RCSD1: variants seen among roughly 807,000 people sequenced by gnomAD.
RCSD1 encodes the protein capZ-interacting protein.
A neutral mutation model predicts 42.5 loss-of-function variants in RCSD1; 26 were observed. That is an observed-to-expected ratio of 0.61 (90% CI 0.45 to 0.85). RCSD1 has a LOEUF of 0.85. Ranked by LOEUF, RCSD1 falls within the 40% of genes least tolerant of loss-of-function variation. The pLI, the probability that RCSD1 is intolerant of heterozygous loss-of-function variation, is 0.00. For missense variants in RCSD1, 571 were observed against 528.3 expected (o/e 1.08, Z -0.79); for synonymous variants, 220 against 212.2 (o/e 1.04, Z -0.32).
At chr1:167,642,645 T>C (rs79133924) in intron 1 of RCSD1, among the ~76,000 whole-genome samples, 101 of 152,360 alleles carry the variant, frequency 6.6e-4, no homozygotes, top group African/African-American at 2.4e-3. Context: ...TTGCAACTTA[T>C]AGCCTAGGTG....
intron 1 of RCSD1, 46 bp from the exon 2 acceptor site, chr1:167,683,854 T>C (rs1659147297): frequency 6.4e-7 from 1 of 1,571,050 alleles, no homozygotes; most frequent in South Asian, 1.1e-5. Context: ...GCATGGCATC[T>C]GGTACCCATT....
intron 4 of RCSD1, among the ~76,000 whole-genome samples, chr1:167,690,521 A>G (rs1297425276): frequency 6.6e-6 from 1 of 152,112 alleles, no homozygotes; most frequent in African/African-American, 2.4e-5. Flanking sequence ...AAAAAATTTT[A>G]AAATTAGCCA....
intron 1 of RCSD1, among the ~76,000 whole-genome samples, chr1:167,669,902 T>C (rs1229361): frequency 6.6e-6 from 1 of 151,778 alleles, no homozygotes; most frequent in African/African-American, 2.4e-5. Flanking sequence ...GGGGGCTGGG[T>C]CCTTAGGAAA....
chr1:167,674,111 C>T (rs1658880482), intron 1 of RCSD1, among the ~76,000 whole-genome samples: 1 of 152,224 alleles, frequency 6.6e-6, no homozygotes, highest in Admixed American at 6.5e-5. Flanking sequence ...TGACAAGTGT[C>T]AGGCCCATAA....
At chr1:167,685,589 G>A in intron 3 of RCSD1, 79 bp downstream of exon 3, 3 of 1,132,146 alleles carry the variant, frequency 2.6e-6, no homozygotes, top group Middle Eastern at 2.0e-4. Context: ...GGAGGAGGGG[G>A]CACCAAACTC....
intron 1 of RCSD1, among the ~76,000 whole-genome samples, chr1:167,654,258 T>C (rs1355645693): frequency 6.6e-6 from 1 of 152,104 alleles, no homozygotes; most frequent in Non-Finnish European, 1.5e-5. Context: ...AGTGTGCCAT[T>C]GGAGGGTGAT....
intron 3 of RCSD1, among the ~76,000 whole-genome samples, chr1:167,689,201 A>T (rs536379635): frequency 1.3e-5 from 2 of 152,190 alleles, no homozygotes; most frequent in African/African-American, 4.8e-5. Context: ...TAAAAAGAAT[A>T]TTCAGGCTGG....
At chr1:167,674,884 T>C (rs982280872) in intron 1 of RCSD1, among the ~76,000 whole-genome samples, 1 of 152,176 alleles carries the variant, frequency 6.6e-6, no homozygotes. Context: ...TGAATGGACA[T>C]TGTATTAGTC....
intron 6 of RCSD1, among the ~76,000 whole-genome samples, chr1:167,702,674 G>C (rs950429772): frequency 6.6e-6 from 1 of 152,180 alleles, no homozygotes; most frequent in African/African-American, 2.4e-5. Context: ...AGCTATGCAG[G>C]AGGCTGAGGC....
chr1:167,697,821 G>A lies in RCSD1; in HGVS notation c.1197G>A (p.Glu399=), dbSNP rs35035669. 931 of 1,467,122 alleles carry A rather than the reference G, an allele frequency of 6.3e-4. 3 individuals carry two copies. In the African/African-American group the frequency reaches 0.012, roughly 18 times the overall value. 90.9% of individuals were successfully genotyped at this position (1,467,122 alleles called of 1,614,324 possible). The change falls in exon 6 of 7, where the codon GAG becomes GAA. Residue 399 remains glutamate (E), a synonymous_variant. Coordinates refer to ENST00000367854, the MANE Select transcript of RCSD1 (RefSeq NM_052862.4). ...QLETSSEVQS[E]PAVPKPEDDT... ...AGACCAGCAGTGAGGTCCAGAGCGA[G>A]CCAGCAGTCCCCAAGCCGGAGGTAG...
chr1:167,703,578 C>T (rs903517172), intron 6 of RCSD1, among the ~76,000 whole-genome samples: 1 of 152,220 alleles, frequency 6.6e-6, no homozygotes, highest in African/African-American at 2.4e-5. Flanking sequence ...TCACCCTACA[C>T]ATCAGTGACA....
chr1:167,646,416 G>C (rs1295158264), intron 1 of RCSD1, among the ~76,000 whole-genome samples: 2 of 146,396 alleles, frequency 1.4e-5, no homozygotes, highest in Non-Finnish European at 3.0e-5. Context: ...GGGCTTGGGA[G>C]TTATAGCCGA....
At chr1:167,631,079 G>C (rs577706317) in intron 1 of RCSD1, among the ~76,000 whole-genome samples, 1 of 152,350 alleles carries the variant, frequency 6.6e-6, no homozygotes, top group Non-Finnish European at 1.5e-5. Context: ...TGCCTCTGAA[G>C]CTGTGTGTAT....
chr1:167,696,794 C>G (rs150634564), intron 5 of RCSD1, among the ~76,000 whole-genome samples: 2 of 152,186 alleles, frequency 1.3e-5, no homozygotes, highest in African/African-American at 4.8e-5. Flanking sequence ...CTAAATTAGA[C>G]ACCGAACTGA....
chr1:167,690,510 C>CA (rs1017670057), intron 4 of RCSD1, among the ~76,000 whole-genome samples: 2 of 151,998 alleles, frequency 1.3e-5, no homozygotes, highest in Admixed American at 1.3e-4. Context: ...ACTATCTCTA[C>CA]AAAAAATTTT....
chr1:167,682,954 AAC>A (rs1659119544), intron 1 of RCSD1, among the ~76,000 whole-genome samples: 1 of 152,140 alleles, frequency 6.6e-6, no homozygotes, highest in South Asian at 2.1e-4. Flanking sequence ...ATCTTATTCA[AAC>A]CAAGTGGTTA....
At chr1:167,687,415 C>CT (rs1477165910) in intron 3 of RCSD1, among the ~76,000 whole-genome samples, 1 of 151,546 alleles carries the variant, frequency 6.6e-6, no homozygotes, top group African/African-American at 2.4e-5. Context: ...CCCAGCTACT[C>CT]GAGAGGCTTA....
intron 1 of RCSD1, among the ~76,000 whole-genome samples, chr1:167,650,745 C>T (rs761076): frequency 0.45 from 68,302 of 151,882 alleles, 15,561 homozygotes; most frequent in East Asian, 0.57. Context: ...TGGCTCTGCT[C>T]GTGTGAGGTT....
At chr1:167,657,983 A>C (rs1481634973) in intron 1 of RCSD1, among the ~76,000 whole-genome samples, 1 of 152,042 alleles carries the variant, frequency 6.6e-6, no homozygotes, top group Non-Finnish European at 1.5e-5. Context: ...GCTGGAGTGC[A>C]GTGGTGCGAT....
Sources: gnomAD v4.1 joint callset for allele counts (sites outside exome capture counted in the v4.1 genomes callset) on GRCh38, gnomAD v4.1.1 for gene constraint, MANE v1.5 for transcripts, NCBI Gene and HGNC (gene_info 2026-07-23, HGNC 2026-07-21) for gene names.